The following SLC2A9 variants were observed in gnomAD, a reference collection of about 807,000 sequenced individuals.
SLC2A9 encodes the protein solute carrier family 2 member 9.
SLC2A9 carries 39 observed loss-of-function variants against 50.6 expected under a neutral mutation model. That is an observed-to-expected ratio of 0.77 (90% CI 0.60 to 1.01). SLC2A9 has a LOEUF of 1.01. Ranked by LOEUF, SLC2A9 falls within the 50% of genes least tolerant of loss-of-function variation. The pLI, the probability that SLC2A9 is intolerant of heterozygous loss-of-function variation, is 0.00. For synonymous variants in SLC2A9, 324 were observed against 276.9 expected (o/e 1.17, Z -1.69); for missense variants, 686 against 677.6 (o/e 1.01, Z -0.14).
intron 5 of SLC2A9, among the ~76,000 whole-genome samples, chr4:9,978,802 G>A (rs1025763353): frequency 7.9e-5 from 12 of 152,212 alleles, no homozygotes; most frequent in African/African-American, 2.4e-4. Flanking sequence ...TGCCTCTGAG[G>A]TGACCTCGAT....
chr4:9,914,215 C>T (rs1421422788), intron 7 of SLC2A9, among the ~76,000 whole-genome samples: 1 of 152,134 alleles, frequency 6.6e-6, no homozygotes, highest in Non-Finnish European at 1.5e-5. Flanking sequence ...TGGAGCAGGG[C>T]AAGTGGAATT....
intron 10 of SLC2A9, chr4:9,880,308 C>T (rs1734988774): frequency 1.0e-6 from 1 of 985,534 alleles, no homozygotes; most frequent in African/African-American, 1.7e-5. Context: ...GGCCCAGGTG[C>T]TGGGTCAACA....
chr4:9,895,985 A>G (rs1433448923), intron 8 of SLC2A9, among the ~76,000 whole-genome samples: 2 of 152,234 alleles, frequency 1.3e-5, no homozygotes, highest in Non-Finnish European at 1.5e-5. Context: ...ATTCCATTGC[A>G]TGGATATACC....
chr4:10,025,885 GAA>G (rs61256984), upstream of SLC2A9: 3 of 1,484,176 alleles, frequency 2.0e-6, no homozygotes, highest in African/African-American at 1.4e-5. Context: ...AAGGGAGACA[GAA>G]AAAAAAAAGG....
At chr4:9,818,109 T>A (rs1331866991) in intron 3 of SLC2A9, among the ~76,000 whole-genome samples, 1 of 152,216 alleles carries the variant, frequency 6.6e-6, no homozygotes, top group East Asian at 1.9e-4. Flanking sequence ...CAGTTCCTTT[T>A]ATTGTCTGCA....
intron 5 of SLC2A9, among the ~76,000 whole-genome samples, chr4:9,955,886 T>TC (rs1751175449): frequency 7.1e-6 from 1 of 141,180 alleles, no homozygotes; most frequent in South Asian, 2.4e-4. Flanking sequence ...TTTTTTTTTT[T>TC]TTTTTTTTGA....
At chr4:9,949,593 C>T (rs1749826594) in intron 5 of SLC2A9, among the ~76,000 whole-genome samples, 1 of 152,152 alleles carries the variant, frequency 6.6e-6, no homozygotes, top group African/African-American at 2.4e-5. Context: ...TCTTCTGATC[C>T]CTGTACGGGG....
At chr4:9,833,288 T>C (rs1429683541) in intron 11 of SLC2A9, among the ~76,000 whole-genome samples, 3 of 151,616 alleles carry the variant, frequency 2.0e-5, no homozygotes, top group Non-Finnish European at 4.4e-5. Flanking sequence ...AGAAATAGAG[T>C]GTTTGTTGCT....
At chr4:9,772,251 TG>T (rs936696493) in intron 1 of SLC2A9, among the ~76,000 whole-genome samples, 11 of 152,238 alleles carry the variant, frequency 7.2e-5, no homozygotes, top group Admixed American at 6.5e-4. Flanking sequence ...GAGGTGGCAC[TG>T]GGGATGGATA....
intron 10 of SLC2A9, among the ~76,000 whole-genome samples, chr4:9,868,820 G>A (rs1050713520): frequency 6.6e-6 from 1 of 152,026 alleles, no homozygotes; most frequent in Non-Finnish European, 1.5e-5. Flanking sequence ...TGAACATTGA[G>A]ATAACTAAGT....
chr4:9,807,156 C>A (rs572894455), intron 3 of SLC2A9, among the ~76,000 whole-genome samples: 1 of 152,200 alleles, frequency 6.6e-6, no homozygotes, highest in African/African-American at 2.4e-5. Flanking sequence ...GGGGCTGACA[C>A]TTCCACAAGG....
intron 5 of SLC2A9, among the ~76,000 whole-genome samples, chr4:9,953,631 G>T (rs6837224): frequency 0.48 from 73,301 of 151,984 alleles, 19,063 homozygotes; most frequent in African/African-American, 0.67. Context: ...TTGTTTGTTG[G>T]TTGTTTTTTG....
intron 10 of SLC2A9, among the ~76,000 whole-genome samples, chr4:9,864,859 G>A (rs1263001680): frequency 6.6e-6 from 1 of 152,236 alleles, no homozygotes; most frequent in Non-Finnish European, 1.5e-5. Flanking sequence ...GTTAAGTCGA[G>A]GATCTTCAGA....
At chr4:9,988,299 C>T (rs942887577) in intron 3 of SLC2A9, among the ~76,000 whole-genome samples, 1 of 152,172 alleles carries the variant, frequency 6.6e-6, no homozygotes, top group Admixed American at 6.5e-5. Context: ...AGGATGCCTC[C>T]AAAAGCTTTG....
At chr4:9,916,975 G>C (rs1450676617) in intron 7 of SLC2A9, among the ~76,000 whole-genome samples, 1 of 152,202 alleles carries the variant, frequency 6.6e-6, no homozygotes, top group African/African-American at 2.4e-5. Context: ...CCAGGATGGA[G>C]ACCCACTAAT....
At chr4:9,786,023 G>A (rs758440188) in intron 3 of SLC2A9, among the ~76,000 whole-genome samples, 5 of 152,208 alleles carry the variant, frequency 3.3e-5, no homozygotes, top group African/African-American at 9.6e-5. Flanking sequence ...TAATTCAGGC[G>A]GAGGGAGTGG....
chr4:9,811,831 G>A (rs895118662), intron 3 of SLC2A9, among the ~76,000 whole-genome samples: 1 of 152,148 alleles, frequency 6.6e-6, no homozygotes, highest in Non-Finnish European at 1.5e-5. Flanking sequence ...GAAGACACAA[G>A]GCTGAGGATA....
upstream of SLC2A9, among the ~76,000 whole-genome samples, chr4:10,023,182 G>C (rs1039332095): frequency 1.3e-5 from 2 of 152,244 alleles, no homozygotes; most frequent in Non-Finnish European, 2.9e-5. Context: ...AAGGATACGG[G>C]GTGAGAGGAC....
chr4:9,817,677 A>C (rs552864543), intron 3 of SLC2A9, among the ~76,000 whole-genome samples: 81 of 152,236 alleles, frequency 5.3e-4, no homozygotes, highest in Non-Finnish European at 7.1e-4. Context: ...AATGAATGGG[A>C]CTTCATTATA....
Sources: allele counts gnomAD v4.1 joint callset (sites outside exome capture counted in the v4.1 genomes callset), GRCh38; gene constraint gnomAD v4.1.1; transcripts MANE v1.5; gene names NCBI Gene and HGNC (gene_info 2026-07-23, HGNC 2026-07-21).